LATS2: variants seen among roughly 807,000 people sequenced by gnomAD.
LATS2 encodes the protein large tumor suppressor kinase 2.
In LATS2, 24 loss-of-function variants were observed where a neutral mutation model predicts 76.0. The ratio of observed to expected loss-of-function variants is 0.32; its 90% CI spans 0.23 to 0.44. The LOEUF (loss-of-function observed/expected upper bound fraction) is 0.44, where lower values mean the gene tolerates loss of function less well. LATS2 is among the 20% of genes least tolerant of loss of function. The probability of loss-of-function intolerance (pLI) is 1.00; values close to 1 mark genes in which losing one functional copy is unlikely to be tolerated. For synonymous variants in LATS2, 692 were observed against 635.4 expected (o/e 1.09, Z -1.34); for missense variants, 1,286 against 1,481.2 (o/e 0.87, Z 2.16).
In LATS2 at chr13:21,036,419, T is replaced by A. The variant is rs141290551; in HGVS notation, c.342+9266A>T. Among the ~76,000 whole-genome samples, 1,133 of 152,232 alleles carry A rather than the reference T, an allele frequency of 7.4e-3. 15 individuals are homozygous for A. Among genetic ancestry groups the A allele is most frequent in the African/African-American group, 0.026 (1,075 of 41,526 alleles). On this transcript the variant is annotated intron_variant, in intron 2 of 7. Transcript: ENST00000382592. ...CACCGCCAAAATGAGAGCTTTCTAG[T>A]ACTTAAAAGTGGAGAACTATTACCA...
chr13:20,974,959 C>T lies in LATS2; in HGVS notation c.3178G>A (p.Gly1060Arg). The change falls in exon 8 of 8, where the codon GGA becomes AGA. Residue 1060 changes from glycine (G) to arginine (R), a missense_variant. Physicochemically the swap from Gly to Arg is moderately radical, Grantham distance 125 (BLOSUM62 -2). This residue lies in a region of LATS2 where 210 missense variants were observed against 234.9 expected (regional missense o/e 0.89). Transcript: ENST00000382592. ...GYPFRCPKPS[G>R]AEASQAESSD... ...CTCTCAGCCTGTGAAGCTTCTGCTCCTGAAGGCTTTGGGCATCGAAAGGGG... is the reference window on the plus strand; with the variant it reads ...CTCTCAGCCTGTGAAGCTTCTGCTCTTGAAGGCTTTGGGCATCGAAAGGGG... 1 of 1,614,238 alleles carries T rather than the reference C, an allele frequency of 6.2e-7. No individual in the cohort carries two copies. The highest frequency in any genetic ancestry group is 8.5e-7 in the Non-Finnish European group (1 of 1,180,046).
intron 2 of LATS2, among the ~76,000 whole-genome samples, chr13:21,041,232 A>G (rs564837047): frequency 6.6e-6 from 1 of 152,166 alleles, no homozygotes; most frequent in East Asian, 1.9e-4. Flanking sequence ...TTGGCCTCCC[A>G]AAGTGCTGGG....
At chr13:20,989,394 C>T in intron 3 of LATS2, 90 bp from the exon 4 acceptor site, 2 of 1,388,156 alleles carry the variant, frequency 1.4e-6, no homozygotes, top group Non-Finnish European at 2.0e-6. Flanking sequence ...CTAGCGCTGC[C>T]CTCGGGGCTG....
chr13:20,981,400 C>A, intron 6 of LATS2, 66 bp downstream of exon 6: 1 of 1,439,524 alleles, frequency 6.9e-7, no homozygotes, highest in South Asian at 1.3e-5. Context: ...CTAGAGCCAG[C>A]GAGACTCAGC....
intron 2 of LATS2, among the ~76,000 whole-genome samples, chr13:21,001,058 T>C (rs923809968): frequency 6.6e-6 from 1 of 152,232 alleles, no homozygotes; most frequent in Non-Finnish European, 1.5e-5. Flanking sequence ...TACATAATTG[T>C]GGACAGATCA....
Position 20,988,601 on chromosome 13 carries a change from G to A in LATS2, c.1179C>T (p.His393=), listed in dbSNP as rs1027131519. ...KPGLEAPPRA[H]VAFRPDCPVP... The stretch of plus-strand genomic sequence containing the variant: ...CTGGGCAGTCAGGCCGGAAGGCCAC[G>A]TGCGCGCGCGGCGGCGCCTCCAGGC... Residue 393 remains histidine, a synonymous_variant, in exon 4 of 8, where the codon CAC becomes CAT. Transcript: ENST00000382592. 3 of 1,589,650 alleles carry A rather than the reference G, an allele frequency of 1.9e-6. No homozygotes were observed. The highest frequency in any genetic ancestry group is 2.6e-6 in the Non-Finnish European group (3 of 1,175,872).
At chr13:21,020,857 A>C (rs1555226241) in intron 2 of LATS2, among the ~76,000 whole-genome samples, 43 of 152,204 alleles carry the variant, frequency 2.8e-4, no homozygotes, top group Non-Finnish European at 1.5e-5. Flanking sequence ...GAGCACACCT[A>C]CTACGTCACA....
At chr13:21,024,365 G>A (rs575743882) in intron 2 of LATS2, among the ~76,000 whole-genome samples, 23 of 152,226 alleles carry the variant, frequency 1.5e-4, no homozygotes, top group Non-Finnish European at 3.2e-4. Context: ...GAACCTGGGA[G>A]GCGGAGGTTG....
At position 20,974,090 on chromosome 13, in the gene LATS2, G is replaced by A. The variant is rs897811954; in HGVS notation, c.*780C>T. 5 of 223,468 alleles carry A rather than the reference G, an allele frequency of 2.2e-5. No individual in the cohort carries two copies. Among genetic ancestry groups the A allele is most frequent in the Non-Finnish European group, 3.5e-5 (4 of 112,790 alleles). 13.8% of individuals were successfully genotyped at this position (223,468 alleles called of 1,614,324 possible). ...TACAATCATAGCGAAGAGGTCACCCGCACAATACATTATCAGCACACTGTC... is the reference window on the plus strand; with the variant it reads ...TACAATCATAGCGAAGAGGTCACCCACACAATACATTATCAGCACACTGTC... On this transcript the variant is annotated 3_prime_UTR_variant, in exon 8 of 8. Transcript: ENST00000382592.
chr13:21,049,041 T>C (rs1018225005), intron 1 of LATS2, among the ~76,000 whole-genome samples: 5 of 151,998 alleles, frequency 3.3e-5, no homozygotes, highest in African/African-American at 9.7e-5. Flanking sequence ...TAATTAGACC[T>C]GAGTGTCAGG....
At chr13:21,053,894 G>C (rs781143637) in intron 1 of LATS2, among the ~76,000 whole-genome samples, 5 of 152,194 alleles carry the variant, frequency 3.3e-5, no homozygotes, top group Non-Finnish European at 7.3e-5. Flanking sequence ...AGAAAGAAGA[G>C]AGATTACCAG....
intron 2 of LATS2, among the ~76,000 whole-genome samples, chr13:21,007,588 G>GTGTATATATATATATATAGTGTA (rs1555225460): frequency 2.6e-4 from 1 of 3,824 alleles, no homozygotes; most frequent in African/African-American, 1.7e-3. Flanking sequence ...TATATATATA[G>GTGTATATATATATATATAGTGTA]TATATATATA....
intron 2 of LATS2, among the ~76,000 whole-genome samples, chr13:20,998,088 A>G (rs368651471): frequency 5.9e-5 from 9 of 152,080 alleles, no homozygotes; most frequent in African/African-American, 2.2e-4. Flanking sequence ...ACTTCCACTT[A>G]AGTTGTAGCT....
intron 2 of LATS2, among the ~76,000 whole-genome samples, chr13:21,012,031 AT>A (rs1172643942): frequency 3.3e-5 from 5 of 151,600 alleles, no homozygotes; most frequent in Middle Eastern, 3.4e-3. Flanking sequence ...GCCAGGAATC[AT>A]TTTTTTTTCT....
At position 20,988,406 on chromosome 13, in the gene LATS2, C is replaced by T; in HGVS notation, c.1374G>A (p.Val458=). Residue 458 remains valine, a synonymous_variant, in exon 4 of 8, where the codon GTG becomes GTA. Coordinates refer to ENST00000382592, the MANE Select transcript of LATS2 (RefSeq NM_014572.3). ...GCACCCAGGCGGGGTGCGAGGGCCC[C>T]ACAGCCGTCTGCGGCTCCGGCCTCA... ...RVLRPEPQTA[V]GPSHPAWVPA... 1.4e-6 allele frequency: 2 copies of T among 1,413,372 alleles called. No individual in the cohort carries two copies. The highest frequency in any genetic ancestry group is 1.5e-5 in the South Asian group (1 of 65,892). 87.6% of individuals were successfully genotyped at this position (1,413,372 alleles called of 1,614,324 possible).
At chr13:21,038,580 T>C (rs1872756471) in intron 2 of LATS2, 1 of 152,218 alleles carries the variant, frequency 6.6e-6, no homozygotes, top group Non-Finnish European at 1.5e-5. Flanking sequence ...TTCAAGTTGT[T>C]ATGGTGGGGT....
chr13:21,003,301 T>G (rs983804573), intron 2 of LATS2, among the ~76,000 whole-genome samples: 1 of 152,126 alleles, frequency 6.6e-6, no homozygotes, highest in African/African-American at 2.4e-5. Flanking sequence ...GAGTTCGGGC[T>G]GGAGTGCAGT....
At chr13:20,976,079 T>C (rs1869611266) in intron 7 of LATS2, among the ~76,000 whole-genome samples, 1 of 152,184 alleles carries the variant, frequency 6.6e-6, no homozygotes, top group South Asian at 2.1e-4. Context: ...ACTGACCCCA[T>C]GTGACCTTAC....
intron 2 of LATS2, among the ~76,000 whole-genome samples, chr13:21,022,694 A>G (rs906369602): frequency 6.6e-6 from 1 of 152,106 alleles, no homozygotes; most frequent in Non-Finnish European, 1.5e-5. Context: ...CTGAAGGGGG[A>G]GAGAGATGAG....
Sources: allele counts gnomAD v4.1 joint callset (sites outside exome capture counted in the v4.1 genomes callset), GRCh38; gene constraint gnomAD v4.1.1; regional missense constraint gnomAD v4.1.1; transcripts MANE v1.5; gene names NCBI Gene and HGNC (gene_info 2026-07-23, HGNC 2026-07-21).